The following SPEF1 variants were observed in gnomAD, a reference collection of about 807,000 sequenced individuals.
The protein encoded by SPEF1 is sperm flagellar and cilia associated 1.
A neutral mutation model predicts 31.8 loss-of-function variants in SPEF1; 30 were observed. That is an observed-to-expected ratio of 0.94 (90% CI 0.70 to 1.28). The LOEUF is 1.28. SPEF1 is among the 50% of genes most tolerant of loss of function. The pLI, the probability that SPEF1 is intolerant of heterozygous loss-of-function variation, is 0.00. For synonymous variants in SPEF1, 126 were observed against 130.1 expected (o/e 0.97, Z 0.21); for missense variants, 298 against 309.6 (o/e 0.96, Z 0.28).
Position 3,777,574 on chromosome 20 carries a change from G to C in SPEF1, c.*638C>G, listed in dbSNP as rs948285845. 1 of 152,312 alleles carries C rather than the reference G, an allele frequency of 6.6e-6. No homozygotes were observed. Among genetic ancestry groups the C allele is most frequent in the African/African-American group, 2.4e-5 (1 of 41,464 alleles). 9.4% of individuals were successfully genotyped at this position (152,312 alleles called of 1,614,324 possible). On this transcript the variant is annotated 3_prime_UTR_variant, in exon 7 of 7. Coordinates refer to ENST00000379756, the MANE Select transcript of SPEF1 (RefSeq NM_015417.5). The surrounding 1 kb of genome is among the most constrained non-coding windows in gnomAD (Gnocchi z 4.1). The stretch of plus-strand genomic sequence containing the variant: ...TTCAAACCTTCCGCCTCAGTACCCC[G>C]TGCGCGAGGAGGGAGGGGCGACTGC...
chr20:3,779,008 G>T lies in SPEF1; in HGVS notation c.379-18C>A, dbSNP rs1036133224. 3.7e-6 allele frequency: 6 copies of T among 1,613,994 alleles called. No homozygotes were observed. In the African/African-American group the frequency reaches 6.7e-5, roughly 18 times the overall value. ...GCCAGCTCCTGAAAGAACCCCGGGG[G>T]TCCGCTGTAAGCCCGGGCTCAGTCA... On this transcript the variant is annotated intron_variant, in intron 3 of 6. Coordinates refer to ENST00000379756, the MANE Select transcript of SPEF1 (RefSeq NM_015417.5).
At position 3,778,322 on chromosome 20, in the gene SPEF1, A is replaced by G. The variant is rs2088757645; in HGVS notation, c.604-3T>C. The G allele has an allele frequency of 9.3e-6, 15 of 1,612,390 alleles. No homozygotes were observed. The highest frequency in any genetic ancestry group is 1.3e-5 in the Non-Finnish European group (15 of 1,178,922). On this transcript the variant is annotated splice_region_variant and splice_polypyrimidine_tract_variant and intron_variant, in intron 6 of 6. Coordinates refer to ENST00000379756, the MANE Select transcript of SPEF1 (RefSeq NM_015417.5). ...CGCCTTACCTTCATCTGCAGGACCT[A>G]AGCCGCACCGCGCAGGCGTCAAGCC...
In SPEF1 at chr20:3,779,790, A is replaced by G; in HGVS notation, c.110-15T>C. ...TGCAACAAGGACTGAGGGAGAGGGGAGCAGACATGGAAAGTGGGGGCATGG... is the reference window on the plus strand; with the variant it reads ...TGCAACAAGGACTGAGGGAGAGGGGGGCAGACATGGAAAGTGGGGGCATGG... On this transcript the variant is annotated splice_polypyrimidine_tract_variant and intron_variant, in intron 1 of 6. Transcript: ENST00000379756. 7.2e-7 allele frequency: 1 copy of G among 1,395,700 alleles called. No homozygotes were observed. The highest frequency in any genetic ancestry group is 1.0e-6 in the Non-Finnish European group (1 of 1,003,626). 86.5% of individuals were successfully genotyped at this position (1,395,700 alleles called of 1,614,324 possible). A position where few individuals can be genotyped will look rare whatever the true frequency, so the allele number is the denominator to read the frequency against.
rs1311054978 is a variant in SPEF1, at chr20:3,779,320, G to A, written c.254C>T (p.Pro85Leu). The change falls in exon 3 of 7, where the codon CCG becomes CTG. Residue 85 changes from proline to leucine, a missense_variant. Pro to Leu is a moderately conservative substitution (Grantham distance 98). Coordinates refer to ENST00000379756, the MANE Select transcript of SPEF1 (RefSeq NM_015417.5). ...KVLKRLNFSV[P>L]DDVMRKIAQC... ...CGCGATCTTGCGCATCACGTCATCC[G>A]GTACTGAAAAGTTCAGCCTCTTCAG... The A allele has an allele frequency of 1.9e-6, 3 of 1,599,672 alleles. No homozygotes were observed. Among genetic ancestry groups the A allele is most frequent in the Non-Finnish European group, 2.6e-6 (3 of 1,171,270 alleles).
At chr20:3,779,145 G>A (rs762660963) in intron 3 of SPEF1, 51 bp downstream of exon 3, 1 of 1,541,896 alleles carries the variant, frequency 6.5e-7, no homozygotes, top group Non-Finnish European at 8.8e-7. Flanking sequence ...TCTGGGGAGC[G>A]CCCCCCACCC....
At position 3,779,186 on chromosome 20, in the gene SPEF1, G is replaced by A. The variant is rs377479915; in HGVS notation, c.378+10C>T. 9.6e-6 allele frequency: 15 copies of A among 1,560,712 alleles called. No homozygotes were observed. The highest frequency in any genetic ancestry group is 9.5e-5 in the African/African-American group (7 of 73,832). ...CCAGAGCAGTGGGAGAAGCTGGAGC[G>A]GGGTGGCACCTGTAAGGAGCCGGCG... On this transcript the variant is annotated intron_variant, in intron 3 of 6. Coordinates refer to ENST00000379756, the MANE Select transcript of SPEF1 (RefSeq NM_015417.5).
Position 3,781,347 on chromosome 20 carries a change from CT to C in SPEF1, c.-61del. 6.4e-7 allele frequency: 1 copy of C among 1,565,160 alleles called. No homozygotes were observed. Among genetic ancestry groups the C allele is most frequent in the Non-Finnish European group, 8.6e-7 (1 of 1,157,038 alleles). On this transcript the variant is annotated 5_prime_UTR_variant, in exon 1 of 7. Coordinates refer to ENST00000379756, the MANE Select transcript of SPEF1 (RefSeq NM_015417.5). ...CGGGTCCCGCCCCAGCCTCACGACC[CT>C]TCAGGCGCTTCCTTTCTCGCCACTG... is the stretch of plus-strand genomic sequence containing the variant.
chr20:3,778,145 G>A lies in SPEF1; in HGVS notation c.*67C>T. On this transcript the variant is annotated 3_prime_UTR_variant, in exon 7 of 7. Transcript: ENST00000379756. ...CTCCCAATGGTCTATCCATCGGTGG[G>A]TGGGTCCGGCGCGGCGTCGGGGCTC... is the stretch of plus-strand genomic sequence containing the variant. 8.5e-7 allele frequency: 1 copy of A among 1,171,744 alleles called. No homozygotes were observed. Among genetic ancestry groups the A allele is most frequent in the Non-Finnish European group, 1.2e-6 (1 of 845,444 alleles). 72.6% of individuals were successfully genotyped at this position (1,171,744 alleles called of 1,614,324 possible). A position where few individuals can be genotyped will look rare whatever the true frequency, so the allele number is the denominator to read the frequency against.
chr20:3,778,283 G>C lies in SPEF1; in HGVS notation c.640C>G (p.Leu214Val). 6.2e-7 allele frequency: 1 copy of C among 1,612,580 alleles called. No individual in the cohort carries two copies. The highest frequency in any genetic ancestry group is 8.5e-7 in the Non-Finnish European group (1 of 1,179,046). Residue 214 changes from leucine (L) to valine (V), a missense_variant, in exon 7 of 7, where the codon CTC (leucine) becomes GTC (valine). Transcript: ENST00000379756. ...QMKVRRLEHL[L>V]QLKNVRIEDL... ...TCGATCCGCACATTCTTGAGCTGGA[G>C]CAGGTGCTCCAGGCGCCTTACCTTC...
Position 3,778,545 on chromosome 20 carries a change from C to G in SPEF1, c.480-1G>C, listed in dbSNP as rs760376096. The G allele has an allele frequency of 1.9e-6, 3 of 1,605,604 alleles. No individual in the cohort carries two copies. Among genetic ancestry groups the G allele is most frequent in the Non-Finnish European group, 2.5e-6 (3 of 1,177,662 alleles). On this transcript the variant is annotated splice_acceptor_variant, in intron 5 of 6. Coordinates refer to ENST00000379756, the MANE Select transcript of SPEF1 (RefSeq NM_015417.5). LOFTEE classifies it high-confidence loss of function. ...CCGAGGCGCCGGCGGCCGGTCCCAG[C>G]TGGGGTGGGAAGCAGCTTAGCGGAG...
In SPEF1 at chr20:3,778,758, C is replaced by T. The variant is rs1400711959; in HGVS notation, c.467G>A (p.Gly156Glu). The stretch of plus-strand genomic sequence containing the variant: ...CCAGCTTCTTTACCTGAGCTGACCC[C>T]CTCCCTGGGGGTCCGGGACACCTTC... ...RGEGVPDPQG[G>E]GQLSWDRPPA... The change falls in exon 5 of 7, where the codon GGG (glycine) becomes GAG (glutamate). Residue 156 changes from glycine to glutamate, a missense_variant. Coordinates refer to ENST00000379756, the MANE Select transcript of SPEF1 (RefSeq NM_015417.5). The T allele has an allele frequency of 1.9e-6, 3 of 1,613,942 alleles. No homozygotes were observed. The South Asian group carries it at 3.3e-5, about 18-fold the overall frequency.
At position 3,778,242 on chromosome 20, in the gene SPEF1, C is replaced by G; in HGVS notation, c.681G>C (p.Arg227=). The part of the protein sequence containing the change: ...KNVRIEDLSR[R]LQQAERKQR ...GCTGCTTACGCTCCGCCTGCTGGAG[C>G]CGCCGGGAGAGGTCTTCGATCCGCA... Residue 227 remains arginine (R), a synonymous_variant, in exon 7 of 7, where the codon CGG becomes CGC. Transcript: ENST00000379756. The G allele has an allele frequency of 1.9e-6, 3 of 1,604,926 alleles. No homozygotes were observed. Among genetic ancestry groups the G allele is most frequent in the Non-Finnish European group, 2.6e-6 (3 of 1,175,688 alleles).
At chr20:3,779,596 C>T in intron 2 of SPEF1, 68 bp downstream of exon 2, 1 of 1,220,528 alleles carries the variant, frequency 8.2e-7, no homozygotes, top group East Asian at 2.3e-5. Context: ...CACCCTGCCA[C>T]CAAAACAGTC....
chr20:3,780,309 G>T (rs1181962504), intron 1 of SPEF1, among the ~76,000 whole-genome samples: 1 of 143,316 alleles, frequency 7.0e-6, no homozygotes, highest in Admixed American at 7.0e-5. Flanking sequence ...ACTCCAGCCT[G>T]GGCGACAAGA....
chr20:3,781,232 T>C lies in SPEF1; in HGVS notation c.56A>G (p.Asn19Ser). Residue 19 changes from asparagine to serine, a missense_variant, in exon 1 of 7, where the codon AAC becomes AGC. Coordinates refer to ENST00000379756, the MANE Select transcript of SPEF1 (RefSeq NM_015417.5). The stretch of plus-strand genomic sequence containing the variant: ...TCGCTTGGGCCGGGACAGAGGGATG[T>C]TGTCTACCCACAGGTACAGCTGGTG... Reference protein sequence around the residue: ...ALHQLYLWVDNIPLSRPKRNL... With the variant: ...ALHQLYLWVDSIPLSRPKRNL... 1 of 1,614,202 alleles carries C rather than the reference T, an allele frequency of 6.2e-7. No homozygotes were observed. Among genetic ancestry groups the C allele is most frequent in the Non-Finnish European group, 8.5e-7 (1 of 1,180,034 alleles).
In SPEF1 at chr20:3,779,849, G is replaced by T; in HGVS notation, c.110-74C>A. On this transcript the variant is annotated intron_variant, in intron 1 of 6. Transcript: ENST00000379756. The stretch of plus-strand genomic sequence containing the variant: ...GGAGGAGGTGAGAGAAGGTGGGGGT[G>T]GGAGAATCAGGCATGGCAGAGTGGT... The T allele has an allele frequency of 7.9e-6, 4 of 505,570 alleles. 1 individual carries two copies. The highest frequency in any genetic ancestry group is 2.0e-5 in the African/African-American group (1 of 50,844). 31.3% of individuals were successfully genotyped at this position (505,570 alleles called of 1,614,324 possible).
Position 3,778,318 on chromosome 20 carries a change from A to G in SPEF1, c.605T>C (p.Val202Ala). Residue 202 changes from valine (V) to alanine (A), a missense_variant and splice_region_variant, in exon 7 of 7, where the codon GTC (valine) becomes GCC (alanine). Coordinates refer to ENST00000379756, the MANE Select transcript of SPEF1 (RefSeq NM_015417.5). ...ELLASQETVQVLQMKVRRLEH... is the reference protein window; with the variant it reads ...ELLASQETVQALQMKVRRLEH... ...CAGGCGCCTTACCTTCATCTGCAGG[A>G]CCTAAGCCGCACCGCGCAGGCGTCA... The G allele has an allele frequency of 6.2e-7, 1 of 1,612,536 alleles. No homozygotes were observed. The highest frequency in any genetic ancestry group is 8.5e-7 in the Non-Finnish European group (1 of 1,179,000).
At chr20:3,780,746 A>C (rs2088774647) in intron 1 of SPEF1, among the ~76,000 whole-genome samples, 1 of 152,076 alleles carries the variant, frequency 6.6e-6, no homozygotes, top group Admixed American at 6.6e-5. Flanking sequence ...TAGAAACACA[A>C]ACACCTTCAC....
chr20:3,779,292 C>G lies in SPEF1; in HGVS notation c.282G>C (p.Gln94His). Residue 94 changes from glutamine (Q) to histidine (H), a missense_variant, in exon 3 of 7, where the codon CAG becomes CAC. Gln to His is a conservative substitution (Grantham distance 24, BLOSUM62 0). Coordinates refer to ENST00000379756, the MANE Select transcript of SPEF1 (RefSeq NM_015417.5). ...VPDDVMRKIAQCAPGVVELVL... is the reference protein window; with the variant it reads ...VPDDVMRKIAHCAPGVVELVL... ...CCAGCTCCACCACGCCTGGGGCGCA[C>G]TGCGCGATCTTGCGCATCACGTCAT... 1.3e-6 allele frequency: 2 copies of G among 1,599,920 alleles called. No individual in the cohort carries two copies. Among genetic ancestry groups the G allele is most frequent in the Non-Finnish European group, 1.7e-6 (2 of 1,172,536 alleles).
Sources: gnomAD v4.1 joint callset for allele counts (sites outside exome capture counted in the v4.1 genomes callset) on GRCh38, gnomAD v4.1.1 for gene constraint, Gnocchi (gnomAD v3.1) non-coding constraint, MANE v1.5 for transcripts, NCBI Gene and HGNC (gene_info 2026-07-23, HGNC 2026-07-21) for gene names.